The following MRGPRX3 variants were observed in gnomAD, a reference collection of about 807,000 sequenced individuals.
MRGPRX3 encodes the protein mas-related G protein-coupled receptor member X3.
In MRGPRX3, 14 loss-of-function variants were observed where a neutral mutation model predicts 16.5. The observed-to-expected ratio is 0.85, with a 90% confidence interval of 0.56 to 1.33. The LOEUF (loss-of-function observed/expected upper bound fraction) is 1.33, where lower values mean the gene tolerates loss of function less well. Ranked by LOEUF, MRGPRX3 falls within the 40% of genes most tolerant of loss-of-function variation. The pLI is 0.00. For synonymous variants in MRGPRX3, 199 were observed against 180.1 expected, an observed-to-expected ratio of 1.10 and a Z score of -0.84; for missense variants, 449 against 413.0, an observed-to-expected ratio of 1.09 and a Z score of -0.76.
intron 1 of MRGPRX3, among the ~76,000 whole-genome samples, chr11:18,134,996 G>T (rs964349900): frequency 2.0e-5 from 3 of 152,170 alleles, no homozygotes; most frequent in Admixed American, 6.5e-5. Context: ...CTGATTCTGT[G>T]CTCACATCAA....
rs770746334 is a variant in MRGPRX3, at chr11:18,137,598, C to G, written c.396C>G (p.Cys132Trp). 3.1e-6 allele frequency: 5 copies of G among 1,614,030 alleles called. No homozygotes were observed. In the East Asian group the frequency reaches 1.1e-4, roughly 36 times the overall value. The change falls in exon 2 of 2, where the codon TGC (cysteine) becomes TGG (tryptophan). Residue 132 changes from cysteine to tryptophan, a missense_variant. Coordinates refer to ENST00000621697, the MANE Select transcript of MRGPRX3 (RefSeq NM_001370464.1). ...LSILWPIWYHCRRPRYLSSVM... is the reference protein window; with the variant it reads ...LSILWPIWYHWRRPRYLSSVM... Reference sequence around the variant, plus strand: ...TCCTGTGGCCCATCTGGTACCACTGCCGCCGCCCCAGATACCTGTCATCAG... The same window carrying G: ...TCCTGTGGCCCATCTGGTACCACTGGCGCCGCCCCAGATACCTGTCATCAG...
upstream of MRGPRX3, among the ~76,000 whole-genome samples, chr11:18,127,852 T>A (rs1053348932): frequency 2.6e-5 from 4 of 152,200 alleles, no homozygotes; most frequent in Admixed American, 6.5e-5. Context: ...GTGCTCTGAT[T>A]TTTAGAATTT....
At chr11:18,122,639 A>G (rs985783367) in intron 1 of MRGPRX3, among the ~76,000 whole-genome samples, 1 of 152,226 alleles carries the variant, frequency 6.6e-6, no homozygotes, top group Non-Finnish European at 1.5e-5. Context: ...TAGTGCCACA[A>G]TAAACATACG....
intron 1 of MRGPRX3, among the ~76,000 whole-genome samples, chr11:18,133,284 A>C (rs979408317): frequency 6.6e-6 from 1 of 152,200 alleles, no homozygotes; most frequent in African/African-American, 2.4e-5. Context: ...GGGAAGGAGC[A>C]GTTACCATTG....
At chr11:18,126,286 A>G (rs536852698) in intron 1 of MRGPRX3, among the ~76,000 whole-genome samples, 5 of 152,214 alleles carry the variant, frequency 3.3e-5, no homozygotes, top group East Asian at 1.9e-4. Context: ...TCTTCCTAAC[A>G]TTGATGGTCT....
rs140616057 is a variant in MRGPRX3 at position 18,122,628 on chromosome 11, A to G, written c.-152+1464A>G. ...TGGTTCCAAGTCTTTGCTATTGTGAATAGTGCCACAATAAACATACGTGTG... is the reference window on the plus strand; with the variant it reads ...TGGTTCCAAGTCTTTGCTATTGTGAGTAGTGCCACAATAAACATACGTGTG... On this transcript the variant is annotated intron_variant, in intron 1 of 2. Coordinates refer to the MRGPRX3 transcript ENST00000396275. 8.1e-4 allele frequency among the ~76,000 whole-genome samples: 124 copies of G among 152,296 alleles called. 1 individual carries two copies. The highest frequency in any genetic ancestry group is 1.4e-3 in the Non-Finnish European group (96 of 68,030).
chr11:18,124,788 G>T (rs1025354784), intron 1 of MRGPRX3, among the ~76,000 whole-genome samples: 23 of 152,136 alleles, frequency 1.5e-4, no homozygotes, highest in African/African-American at 5.3e-4. Flanking sequence ...TGTACCTCTG[G>T]TAGAATTCGG....
At chr11:18,127,967 G>C (rs557308400), upstream of MRGPRX3, among the ~76,000 whole-genome samples, 139 of 152,308 alleles carry the variant, frequency 9.1e-4, no homozygotes, top group African/African-American at 3.1e-3. Flanking sequence ...TGTCCTTTCT[G>C]TTTGTTAGTT....
chr11:18,122,943 G>A (rs61884072), intron 1 of MRGPRX3, among the ~76,000 whole-genome samples: 34,127 of 151,752 alleles, frequency 0.22, 4,986 homozygotes, highest in African/African-American at 0.41. Flanking sequence ...GCCAGTGATG[G>A]TGAGCATTTT....
At chr11:18,134,163 T>A (rs1322861358) in intron 1 of MRGPRX3, among the ~76,000 whole-genome samples, 1 of 152,212 alleles carries the variant, frequency 6.6e-6, no homozygotes, top group Non-Finnish European at 1.5e-5. Context: ...TAAAAATGCA[T>A]AGAAAATAAA....
At chr11:18,131,117 C>T (rs1848956803), upstream of MRGPRX3, among the ~76,000 whole-genome samples, 2 of 152,098 alleles carry the variant, frequency 1.3e-5, no homozygotes, top group Admixed American at 6.6e-5. Flanking sequence ...TCTAGACATT[C>T]ACTTAGGCAA....
exon 1 of MRGPRX3, chr11:18,121,159 T>G: frequency 6.7e-6 from 1 of 148,346 alleles, no homozygotes; most frequent in Non-Finnish European, 1.5e-5. Flanking sequence ...CGACCCCGTC[T>G]GGGAGGTGAG....
At chr11:18,135,353 G>A (rs1848999061) in intron 1 of MRGPRX3, among the ~76,000 whole-genome samples, 1 of 152,186 alleles carries the variant, frequency 6.6e-6, no homozygotes, top group African/African-American at 2.4e-5. Flanking sequence ...TTAGTGCTCT[G>A]AGTGTGGATA....
chr11:18,124,775 C>G (rs1481776771), intron 1 of MRGPRX3, among the ~76,000 whole-genome samples: 1 of 151,772 alleles, frequency 6.6e-6, no homozygotes, highest in Non-Finnish European at 1.5e-5. Flanking sequence ...ACCAGCTCCT[C>G]CTTGTACCTC....
Position 18,137,277 on chromosome 11 carries a change from G to T in MRGPRX3, c.75G>T (p.Lys25Asn), listed in dbSNP as rs144067485. The T allele has an allele frequency of 1.5e-4, 247 of 1,614,118 alleles. No individual in the cohort carries two copies. In the African/African-American group the frequency reaches 2.8e-3, roughly 18 times the overall value. ...INGREETPCY[K>N]QTLSFTGLTC... Reference sequence around the variant, plus strand: ...GACGTGAGGAGACTCCTTGCTACAAGCAGACCCTGAGCTTCACGGGGCTGA... The same window carrying T: ...GACGTGAGGAGACTCCTTGCTACAATCAGACCCTGAGCTTCACGGGGCTGA... The change falls in exon 2 of 2, where the codon AAG becomes AAT. Residue 25 changes from lysine (K) to asparagine (N), a missense_variant. Coordinates refer to ENST00000621697, the MANE Select transcript of MRGPRX3 (RefSeq NM_001370464.1).
chr11:18,124,258 T>C (rs1448449266), intron 1 of MRGPRX3, among the ~76,000 whole-genome samples: 1 of 152,212 alleles, frequency 6.6e-6, no homozygotes, highest in Non-Finnish European at 1.5e-5. Flanking sequence ...GGCATCCCTG[T>C]CTTGTGCCAG....
chr11:18,138,275 C>A lies in MRGPRX3; in HGVS notation c.*104C>A. The A allele has an allele frequency of 6.6e-7, 1 of 1,504,130 alleles. No individual in the cohort carries two copies. Among genetic ancestry groups the A allele is most frequent in the South Asian group, 1.4e-5 (1 of 72,618 alleles). The allele number at this position is 1,504,130 out of a possible 1,614,324, so 93.2% of individuals were successfully genotyped here. Reference sequence around the variant, plus strand: ...TTAGCCTTCTGCCTCAGAAATGTCTCAGTGGTCCCTCAAGGTCTTCGAATA... The same window carrying A: ...TTAGCCTTCTGCCTCAGAAATGTCTAAGTGGTCCCTCAAGGTCTTCGAATA... On this transcript the variant is annotated 3_prime_UTR_variant, in exon 2 of 2. Coordinates refer to ENST00000621697, the MANE Select transcript of MRGPRX3 (RefSeq NM_001370464.1).
rs2468838 is a variant in MRGPRX3 at position 18,138,282 on chromosome 11, C to T, written c.*111C>T. ...TCTGCCTCAGAAATGTCTCAGTGGT[C>T]CCTCAAGGTCTTCGAATAGATGTTT... On this transcript the variant is annotated 3_prime_UTR_variant, in exon 2 of 2. Coordinates refer to ENST00000621697, the MANE Select transcript of MRGPRX3 (RefSeq NM_001370464.1). The T allele has an allele frequency of 5.4e-5, 80 of 1,488,748 alleles. 1 individual carries two copies. Among genetic ancestry groups the T allele is most frequent in the Admixed American group, 1.1e-4 (5 of 43,678 alleles). 92.2% of individuals were successfully genotyped at this position (1,488,748 alleles called of 1,614,324 possible). A position where few individuals can be genotyped will look rare whatever the true frequency, so the allele number is the denominator to read the frequency against.
upstream of MRGPRX3, among the ~76,000 whole-genome samples, chr11:18,129,498 A>C (rs549481392): frequency 6.6e-6 from 1 of 152,336 alleles, no homozygotes; most frequent in South Asian, 2.1e-4. Flanking sequence ...GAGAAATAGA[A>C]AGTCTGAACA....
Sources: gnomAD v4.1 joint callset for allele counts (sites outside exome capture counted in the v4.1 genomes callset) on GRCh38, gnomAD v4.1.1 for gene constraint, MANE v1.5 for transcripts, NCBI Gene and HGNC (gene_info 2026-07-23, HGNC 2026-07-21) for gene names.